BPIFB6: variants seen among roughly 807,000 people sequenced by gnomAD.
BPIFB6 encodes the protein BPI fold-containing family B member 6.
A neutral mutation model predicts 54.7 loss-of-function variants in BPIFB6; 47 were observed. The observed-to-expected ratio is 0.86, with a 90% CI of 0.68 to 1.10. The LOEUF (loss-of-function observed/expected upper bound fraction) is 1.10, where lower values mean the gene tolerates loss of function less well. Ranked by LOEUF, BPIFB6 falls within the 50% of genes least tolerant of loss-of-function variation. The pLI is 0.00. For synonymous variants in BPIFB6, 255 were observed against 225.9 expected (o/e 1.13, Z -1.16); for missense variants, 603 against 564.1 (o/e 1.07, Z -0.70).
chr20:33,037,329 G>A (rs1979385456), intron 7 of BPIFB6, among the ~76,000 whole-genome samples: 1 of 152,160 alleles, frequency 6.6e-6, no homozygotes, highest in Admixed American at 6.5e-5. Flanking sequence ...GCAGTGCTAG[G>A]AGAAAGTGCC....
chr20:33,038,272 C>T (rs1979430805), intron 8 of BPIFB6, among the ~76,000 whole-genome samples: 1 of 152,108 alleles, frequency 6.6e-6, no homozygotes. Flanking sequence ...CAACCATCCA[C>T]CCACATGTCC....
rs1466094247 is a variant in BPIFB6 at position 33,041,954 on chromosome 20, C to G, written c.1143-16C>G. 3 of 1,613,820 alleles carry G rather than the reference C, an allele frequency of 1.9e-6. No homozygotes were observed. Among genetic ancestry groups the G allele is most frequent in the Non-Finnish European group, 2.5e-6 (3 of 1,179,800 alleles). On this transcript the variant is annotated splice_polypyrimidine_tract_variant and intron_variant, in intron 11 of 14. Coordinates refer to ENST00000349552, the MANE Select transcript of BPIFB6 (RefSeq NM_174897.2). The stretch of plus-strand genomic sequence containing the variant: ...TTTCCCCTCCCCGCCTGGCTTGCTT[C>G]CCCACTCCCCCACAGATTACTGAGC...
intron 5 of BPIFB6, 56 bp from the exon 6 acceptor site, chr20:33,035,556 G>T: frequency 6.4e-7 from 1 of 1,572,710 alleles, no homozygotes; most frequent in South Asian, 1.1e-5. Context: ...CCATTCAGCT[G>T]TGTGGAGGCT....
Position 33,036,525 on chromosome 20 carries a change from C to A in BPIFB6, c.658C>A (p.Leu220Met). The change falls in exon 7 of 15, where the codon CTG becomes ATG. Residue 220 changes from leucine (L) to methionine (M), a missense_variant. Coordinates refer to ENST00000349552, the MANE Select transcript of BPIFB6 (RefSeq NM_174897.2). ...AGCCACCACAGCCAGCTACATCCAA[C>A]TGGACTTCAGTGTAAGCGCCTAGGG... ...APATTASYIQLDFSPVVQQQK... is the reference protein window; with the variant it reads ...APATTASYIQMDFSPVVQQQK... The A allele has an allele frequency of 6.2e-7, 1 of 1,614,162 alleles. No homozygotes were observed. Among genetic ancestry groups the A allele is most frequent in the Middle Eastern group, 1.6e-4 (1 of 6,062 alleles).
At chr20:33,043,397 C>T (rs367912996) in intron 14 of BPIFB6, 30 bp downstream of exon 14, 88 of 1,588,022 alleles carry the variant, frequency 5.5e-5, no homozygotes, top group Middle Eastern at 1.7e-4. Context: ...GAGGTCATGT[C>T]AATCAACACT....
intron 6 of BPIFB6, among the ~76,000 whole-genome samples, chr20:33,036,215 G>C (rs955765336): frequency 6.6e-6 from 1 of 152,184 alleles, no homozygotes; most frequent in Admixed American, 6.5e-5. Flanking sequence ...TCCAAGCAGT[G>C]ATGGCCTTTG....
intron 1 of BPIFB6, among the ~76,000 whole-genome samples, chr20:33,032,171 T>C (rs546047192): frequency 2.6e-5 from 4 of 152,318 alleles, no homozygotes; most frequent in Admixed American, 1.3e-4. Context: ...GGGTGACCAG[T>C]CTGTCCCTAG....
chr20:33,038,934 C>G lies in BPIFB6; in HGVS notation c.872C>G (p.Thr291Ser). The G allele has an allele frequency of 6.2e-7, 1 of 1,614,122 alleles. No homozygotes were observed. Among genetic ancestry groups the G allele is most frequent in the Non-Finnish European group, 8.5e-7 (1 of 1,180,024 alleles). ...TMIGELPPQT[T>S]KTLARFIPEV... ...ATTGGTGAGCTGCCCCCACAAACCA[C>G]CAAGACCCTGGCTCGCTTCATTCCT... The change falls in exon 9 of 15, where the codon ACC becomes AGC. Residue 291 changes from threonine (T) to serine (S), a missense_variant. By Grantham distance (58) the Thr-to-Ser change is moderately conservative. Coordinates refer to ENST00000349552, the MANE Select transcript of BPIFB6 (RefSeq NM_174897.2).
Position 33,034,910 on chromosome 20 carries a change from C to T in BPIFB6, c.450C>T (p.Ser150=), listed in dbSNP as rs1201368213. The change falls in exon 4 of 15, where the codon AGC becomes AGT. Residue 150 remains serine, a splice_region_variant and synonymous_variant. Transcript: ENST00000349552. Reference sequence around the variant, plus strand: ...TCAATGTGAAGACTAACCTGCCTAGCAAGTGAGGGGCTCTGTGGCTGGGGA... The same window carrying T: ...TCAATGTGAAGACTAACCTGCCTAGTAAGTGAGGGGCTCTGTGGCTGGGGA... The part of the protein sequence containing the change: ...ILVNVKTNLP[S]NMLPKMVNKF... The T allele has an allele frequency of 3.7e-6, 6 of 1,608,530 alleles. No homozygotes were observed. Among genetic ancestry groups the T allele is most frequent in the South Asian group, 1.1e-5 (1 of 90,842 alleles).
At chr20:33,035,557 T>C in intron 5 of BPIFB6, 55 bp from the exon 6 acceptor site, 1 of 1,565,148 alleles carries the variant, frequency 6.4e-7, no homozygotes, top group East Asian at 2.2e-5. Flanking sequence ...CATTCAGCTG[T>C]GTGGAGGCTC....
At chr20:33,041,435 C>T (rs1011901447) in intron 11 of BPIFB6, among the ~76,000 whole-genome samples, 8 of 152,134 alleles carry the variant, frequency 5.3e-5, no homozygotes, top group African/African-American at 1.9e-4. Flanking sequence ...ATAGACTCAC[C>T]CGAGGGACTT....
chr20:33,041,798 T>A (rs952978950), intron 11 of BPIFB6, among the ~76,000 whole-genome samples, 172 bp from the exon 12 acceptor site: 1 of 152,128 alleles, frequency 6.6e-6, no homozygotes, highest in African/African-American at 2.4e-5. Flanking sequence ...GAGTGTCCCA[T>A]CACAGGTAGC....
intron 1 of BPIFB6, among the ~76,000 whole-genome samples, chr20:33,032,367 G>A (rs899529970): frequency 2.6e-5 from 4 of 152,120 alleles, no homozygotes; most frequent in African/African-American, 9.7e-5. Flanking sequence ...GTTTCTGGCG[G>A]GGTGTTACTT....
chr20:33,041,108 A>G (rs1051172193), intron 11 of BPIFB6, among the ~76,000 whole-genome samples: 2 of 150,700 alleles, frequency 1.3e-5, no homozygotes, highest in African/African-American at 4.9e-5. Flanking sequence ...TCCTGCCTCA[A>G]CCTCCAGAGT....
chr20:33,043,278 C>T lies in BPIFB6; in HGVS notation c.1253-13C>T. 1 of 1,613,144 alleles carries T rather than the reference C, an allele frequency of 6.2e-7. No individual in the cohort carries two copies. Among genetic ancestry groups the T allele is most frequent in the Non-Finnish European group, 8.5e-7 (1 of 1,179,072 alleles). On this transcript the variant is annotated splice_polypyrimidine_tract_variant and intron_variant, in intron 13 of 14. Transcript: ENST00000349552. ...AGCAGTCAGGCTGATATGACTCTTA[C>T]TGTATTTCTCAGATGTGCTTCAAGT...
chr20:33,040,099 C>T (rs183334727), intron 10 of BPIFB6, 152 bp from the exon 11 acceptor site: 14 of 718,690 alleles, frequency 1.9e-5, no homozygotes, highest in African/African-American at 1.7e-4. Flanking sequence ...AGGGAGATGG[C>T]TGGGTTCAGT....
intron 4 of BPIFB6, 75 bp from the exon 5 acceptor site, chr20:33,035,006 C>T (rs774603357): frequency 1.2e-6 from 2 of 1,607,530 alleles, no homozygotes; most frequent in Non-Finnish European, 1.7e-6. Context: ...CTTAACCATG[C>T]CCCTTCATGT....
chr20:33,042,127 G>T, intron 12 of BPIFB6, 112 bp downstream of exon 12: 1 of 1,097,466 alleles, frequency 9.1e-7, no homozygotes, highest in Non-Finnish European at 1.4e-6. Flanking sequence ...ACAGAGCAAG[G>T]CCACTGTGAG....
In BPIFB6 at chr20:33,032,970, T is replaced by C; in HGVS notation, c.98-14T>C. The stretch of plus-strand genomic sequence containing the variant: ...CCCAGGGAAAATCTCTCCAACTAAG[T>C]GTCTCCACTCCAGAGGTCCAGAGCG... On this transcript the variant is annotated splice_polypyrimidine_tract_variant and intron_variant, in intron 1 of 14. Transcript: ENST00000349552. 1.2e-6 allele frequency: 2 copies of C among 1,605,632 alleles called. No homozygotes were observed. The highest frequency in any genetic ancestry group is 1.7e-6 in the Non-Finnish European group (2 of 1,172,498).
Sources: gnomAD v4.1 joint callset for allele counts (sites outside exome capture counted in the v4.1 genomes callset) on GRCh38, gnomAD v4.1.1 for gene constraint, MANE v1.5 for transcripts, NCBI Gene and HGNC (gene_info 2026-07-23, HGNC 2026-07-21) for gene names.